The following GABRB2 variants were observed in gnomAD, a reference collection of about 807,000 sequenced individuals.
GABRB2 encodes gamma-aminobutyric acid type A receptor subunit beta2, also known as gamma-aminobutyric acid receptor subunit beta-2.
GABRB2 carries 16 observed loss-of-function variants against 54.7 expected under a neutral mutation model. The observed-to-expected ratio is 0.29, with a 90% CI of 0.20 to 0.44. The LOEUF is 0.44. GABRB2 is among the 20% of genes least tolerant of loss of function. GABRB2 has a pLI of 1.00. For missense variants in GABRB2, 355 were observed against 644.0 expected, an observed-to-expected ratio of 0.55 and a Z score of 4.86; for synonymous variants, 244 against 233.8, an observed-to-expected ratio of 1.04 and a Z score of -0.40.
intron 3 of GABRB2, among the ~76,000 whole-genome samples, chr5:161,464,694 A>G (rs1438213444): frequency 6.6e-6 from 1 of 152,180 alleles, no homozygotes; most frequent in African/African-American, 2.4e-5. Context: ...CATCCCTGAA[A>G]CAGAATACTA....
At chr5:161,343,364 G>T (rs1037817535) in intron 5 of GABRB2, among the ~76,000 whole-genome samples, 7 of 151,906 alleles carry the variant, frequency 4.6e-5, no homozygotes, top group Non-Finnish European at 7.4e-5. Context: ...CATCAGAGAT[G>T]ACCTATTTTT....
At chr5:161,408,244 C>T (rs1159412980) in intron 5 of GABRB2, among the ~76,000 whole-genome samples, 2 of 152,026 alleles carry the variant, frequency 1.3e-5, no homozygotes, top group African/African-American at 2.4e-5. Context: ...GGAGGCTCAA[C>T]TGCTAAGTAT....
intron 3 of GABRB2, among the ~76,000 whole-genome samples, chr5:161,504,844 A>T (rs1223390136): frequency 2.0e-5 from 3 of 152,010 alleles, no homozygotes; most frequent in African/African-American, 7.2e-5. Context: ...AACATTTTAG[A>T]AATTAGTTGA....
chr5:161,543,021 A>G (rs1760866975), intron 3 of GABRB2, among the ~76,000 whole-genome samples: 1 of 152,256 alleles, frequency 6.6e-6, no homozygotes, highest in East Asian at 1.9e-4. Context: ...GCTGAAAAAA[A>G]TGTTAATTTT....
intron 3 of GABRB2, among the ~76,000 whole-genome samples, chr5:161,479,293 T>G (rs944878377): frequency 8.6e-5 from 13 of 152,016 alleles, no homozygotes; most frequent in Non-Finnish European, 1.9e-4. Context: ...ATTGTCAGGG[T>G]TGAAGTGGAA....
chr5:161,420,100 C>T (rs999533062), intron 4 of GABRB2, among the ~76,000 whole-genome samples: 6 of 152,048 alleles, frequency 3.9e-5, no homozygotes, highest in Admixed American at 6.5e-5. Flanking sequence ...CCTCAATATG[C>T]CAGATACTTT....
At chr5:161,467,733 A>T (rs1252314333) in intron 3 of GABRB2, among the ~76,000 whole-genome samples, 1 of 152,114 alleles carries the variant, frequency 6.6e-6, no homozygotes, top group Non-Finnish European at 1.5e-5. Flanking sequence ...GAGAAAATAC[A>T]TCTGATGTGT....
chr5:161,466,844 A>G (rs559500164), intron 3 of GABRB2, among the ~76,000 whole-genome samples: 2 of 152,116 alleles, frequency 1.3e-5, no homozygotes, highest in East Asian at 3.9e-4. Context: ...AGACTTCAGC[A>G]TTTATTATCT....
intron 5 of GABRB2, among the ~76,000 whole-genome samples, chr5:161,383,421 TC>T (rs1755528305): frequency 6.6e-6 from 1 of 152,150 alleles, no homozygotes; most frequent in Admixed American, 6.6e-5. Flanking sequence ...AAACATATAA[TC>T]AAGAAAATAA....
chr5:161,482,101 C>A (rs962868869), intron 3 of GABRB2, among the ~76,000 whole-genome samples: 1 of 152,004 alleles, frequency 6.6e-6, no homozygotes, highest in Non-Finnish European at 1.5e-5. Context: ...ACTCCTTTCC[C>A]ATTCTCAGCT....
chr5:161,328,700 A>T (rs969133695), intron 8 of GABRB2, among the ~76,000 whole-genome samples: 3 of 152,160 alleles, frequency 2.0e-5, no homozygotes, highest in African/African-American at 7.2e-5. Flanking sequence ...TTTTTTCAGT[A>T]CCTCAGTTTC....
At chr5:161,535,092 T>C (rs998990595) in intron 3 of GABRB2, among the ~76,000 whole-genome samples, 1 of 152,148 alleles carries the variant, frequency 6.6e-6, no homozygotes, top group Non-Finnish European at 1.5e-5. Context: ...GCTGAAGCAA[T>C]AGGAAAATTA....
At chr5:161,402,411 T>C (rs1756224308) in intron 5 of GABRB2, among the ~76,000 whole-genome samples, 1 of 152,186 alleles carries the variant, frequency 6.6e-6, no homozygotes, top group African/African-American at 2.4e-5. Context: ...ACAGCATATT[T>C]ACCTTTCCCG....
At position 161,545,470 on chromosome 5, in the gene GABRB2, A is replaced by G. The variant is rs116798629; in HGVS notation, c.170-176T>C. 6.0e-3 allele frequency among the ~76,000 whole-genome samples: 896 copies of G among 148,446 alleles called. 19 individuals are homozygous for G. Among genetic ancestry groups the G allele is most frequent in the African/African-American group, 0.021 (848 of 40,426 alleles). On this transcript the variant is annotated intron_variant, in intron 2 of 9. Transcript: ENST00000393959. The stretch of plus-strand genomic sequence containing the variant: ...AAAAAAAAAAAGGTAGCAGGCACAC[A>G]CTCCTCTAACAAATGCTGTATTGAA...
At chr5:161,310,841 C>T (rs1016944677) in intron 9 of GABRB2, among the ~76,000 whole-genome samples, 1 of 150,896 alleles carries the variant, frequency 6.6e-6, no homozygotes, top group Admixed American at 6.6e-5. Context: ...CGGCTCACTG[C>T]AAGCTCCACC....
intron 3 of GABRB2, among the ~76,000 whole-genome samples, chr5:161,516,321 C>T (rs573169041): frequency 2.0e-5 from 3 of 152,226 alleles, no homozygotes; most frequent in South Asian, 4.1e-4. Context: ...TCATTTAATG[C>T]TCATAACAAC....
chr5:161,369,217 A>T (rs1755060012), intron 5 of GABRB2, among the ~76,000 whole-genome samples: 1 of 152,194 alleles, frequency 6.6e-6, no homozygotes, highest in South Asian at 2.1e-4. Flanking sequence ...GTATGCCCAA[A>T]TCTATGCTGT....
chr5:161,447,833 C>T (rs931169352), intron 4 of GABRB2, among the ~76,000 whole-genome samples: 1 of 151,960 alleles, frequency 6.6e-6, no homozygotes, highest in East Asian at 1.9e-4. Context: ...CTATTTTTTT[C>T]TCCCCATGGG....
chr5:161,309,847 G>A (rs1757808391), intron 9 of GABRB2, among the ~76,000 whole-genome samples: 1 of 152,034 alleles, frequency 6.6e-6, no homozygotes, highest in Non-Finnish European at 1.5e-5. Flanking sequence ...TAGCCAGGAT[G>A]GTCTCGATCT....
Sources: allele counts gnomAD v4.1 joint callset (sites outside exome capture counted in the v4.1 genomes callset), GRCh38; gene constraint gnomAD v4.1.1; transcripts MANE v1.5; gene names NCBI Gene and HGNC (gene_info 2026-07-23, HGNC 2026-07-21).